The following DUSP22 variants were observed in gnomAD, a reference collection of about 807,000 sequenced individuals.
DUSP22 encodes dual specificity phosphatase 22, also known as dual specificity protein phosphatase 22.
A neutral mutation model predicts 24.5 loss-of-function variants in DUSP22; 24 were observed. The ratio of observed to expected loss-of-function variants is 0.98; its 90% CI spans 0.71 to 1.38. DUSP22 has a LOEUF of 1.38. DUSP22 is among the 40% of genes most tolerant of loss of function. DUSP22 has a pLI of 0.00. For synonymous variants in DUSP22, 160 were observed against 106.4 expected (o/e 1.50, Z -3.10); for missense variants, 330 against 269.2 (o/e 1.23, Z -1.58).
chr6:344,790 T>C (rs1759776764), intron 4 of DUSP22, among the ~76,000 whole-genome samples: 1 of 152,308 alleles, frequency 6.6e-6, no homozygotes, highest in African/African-American at 2.4e-5. Context: ...ACTGCCAAAG[T>C]CCCGGGAGAC....
Position 311,931 on chromosome 6 carries a change from C to G in DUSP22, c.107C>G (p.Ser36Cys), listed in dbSNP as rs1266399615. ...LSKNKVTHILSVHDSARPMLE... is the reference protein window; with the variant it reads ...LSKNKVTHILCVHDSARPMLE... The stretch of plus-strand genomic sequence containing the variant: ...AAGAACAAGGTGACACATATTCTGT[C>G]TGTCCACGATAGTGCCAGGCCTATG... The change falls in exon 3 of 7, where the codon TCT (serine) becomes TGT (cysteine). Residue 36 changes from serine (S) to cysteine (C), a missense_variant. Coordinates refer to ENST00000419235, the MANE Select transcript of DUSP22 (RefSeq NM_001286555.3). 6.2e-7 allele frequency: 1 copy of G among 1,612,728 alleles called. No homozygotes were observed. Among genetic ancestry groups the G allele is most frequent in the African/African-American group, 1.3e-5 (1 of 74,890 alleles).
chr6:334,847 T>C (rs1561673474), intron 3 of DUSP22, among the ~76,000 whole-genome samples: 2 of 152,306 alleles, frequency 1.3e-5, no homozygotes, highest in Non-Finnish European at 1.5e-5. Context: ...TACTCAACTA[T>C]TTCACTTTTT....
chr6:347,896 G>A (rs1018848951), intron 5 of DUSP22, among the ~76,000 whole-genome samples: 1 of 152,300 alleles, frequency 6.6e-6, no homozygotes, highest in Non-Finnish European at 1.5e-5. Flanking sequence ...GCAGAAGAAA[G>A]CATGCGATTC....
At chr6:312,820 T>C (rs1758170145) in intron 3 of DUSP22, among the ~76,000 whole-genome samples, 1 of 152,298 alleles carries the variant, frequency 6.6e-6, no homozygotes, top group Non-Finnish European at 1.5e-5. Flanking sequence ...TTAGTTAGTA[T>C]AAAGTAAGCT....
At chr6:311,800 T>C in intron 2 of DUSP22, 80 bp from the exon 3 acceptor site, 1 of 1,436,190 alleles carries the variant, frequency 7.0e-7, no homozygotes, top group Non-Finnish European at 9.4e-7. Flanking sequence ...TTTGTGGGTT[T>C]TTTTTTTTTT....
At chr6:322,239 T>C (rs2127404554) in intron 3 of DUSP22, among the ~76,000 whole-genome samples, 1 of 152,300 alleles carries the variant, frequency 6.6e-6, no homozygotes, top group Non-Finnish European at 1.5e-5. Context: ...TAGGGAATGA[T>C]GGTGGGGCCA....
At chr6:348,533 A>G (rs1283606486) in intron 6 of DUSP22, 2 of 850,022 alleles carry the variant, frequency 2.4e-6, no homozygotes, top group Non-Finnish European at 3.6e-6. Flanking sequence ...CCTTTGGGTG[A>G]CGTACCATTT....
Position 350,888 on chromosome 6 carries a change from A to C in DUSP22, c.*1937A>C. 1 of 1,614,172 alleles carries C rather than the reference A, an allele frequency of 6.2e-7. No homozygotes were observed. The highest frequency in any genetic ancestry group is 8.5e-7 in the Non-Finnish European group (1 of 1,179,956). Reference sequence around the variant, plus strand: ...CTGTAATGTACCTGAAGTTTCTGAAATATTGCAAACCCACAGAGTTTAGGC... The same window carrying C: ...CTGTAATGTACCTGAAGTTTCTGAACTATTGCAAACCCACAGAGTTTAGGC... On this transcript the variant is annotated 3_prime_UTR_variant, in exon 7 of 7. Transcript: ENST00000419235.
chr6:336,114 C>T (rs1372450740), intron 4 of DUSP22, among the ~76,000 whole-genome samples: 2 of 152,294 alleles, frequency 1.3e-5, no homozygotes, highest in African/African-American at 4.8e-5. Context: ...GAGTAGATTA[C>T]AGTTTTCCTG....
intron 3 of DUSP22, among the ~76,000 whole-genome samples, chr6:320,907 C>T (rs1402985508): frequency 6.6e-6 from 1 of 152,302 alleles, no homozygotes; most frequent in African/African-American, 2.4e-5. Context: ...TGAGCACCTA[C>T]CTTGCAGCAG....
At chr6:292,875 C>G (rs372063134) in intron 1 of DUSP22, among the ~76,000 whole-genome samples, 2 of 152,294 alleles carry the variant, frequency 1.3e-5, no homozygotes. Context: ...AGCTGAGCTC[C>G]GAATGGATGT....
At chr6:323,240 ATG>A (rs5873739) in intron 3 of DUSP22, among the ~76,000 whole-genome samples, 393 of 151,654 alleles carry the variant, frequency 2.6e-3, no homozygotes, top group African/African-American at 8.2e-3. Flanking sequence ...GCGTGTGTGC[ATG>A]TGTGTGTGTG....
chr6:314,838 A>G (rs1277820087), intron 3 of DUSP22, among the ~76,000 whole-genome samples: 2 of 152,272 alleles, frequency 1.3e-5, no homozygotes, highest in African/African-American at 2.4e-5. Context: ...GAACTAAGGA[A>G]CTTGTGACTT....
At chr6:347,449 G>A (rs550202111) in intron 5 of DUSP22, among the ~76,000 whole-genome samples, 5 of 152,414 alleles carry the variant, frequency 3.3e-5, no homozygotes, top group Non-Finnish European at 2.9e-5. Flanking sequence ...TTCTGTGACC[G>A]CCTTCATTTG....
intron 6 of DUSP22, chr6:348,554 G>A (rs1415741436): frequency 4.4e-6 from 4 of 909,530 alleles, no homozygotes; most frequent in Non-Finnish European, 4.9e-6. Context: ...CCTTGGTCTG[G>A]CCTATTTTCA....
intron 1 of DUSP22, among the ~76,000 whole-genome samples, chr6:300,754 T>G (rs1757543902): frequency 6.6e-6 from 1 of 152,288 alleles, no homozygotes; most frequent in Admixed American, 6.5e-5. Flanking sequence ...CTCTTCTGCA[T>G]TTATGCATTT....
chr6:331,448 A>C (rs1759135387), intron 3 of DUSP22, among the ~76,000 whole-genome samples: 1 of 152,292 alleles, frequency 6.6e-6, no homozygotes, highest in African/African-American at 2.4e-5. Context: ...TTAACCTCCA[A>C]GTTTGTTATA....
Position 350,868 on chromosome 6 carries a change from A to G in DUSP22, c.*1917A>G. ...TCTGGGCCTTTCTCAGAAGACTGTAATGTACCTGAAGTTTCTGAAATATTG... is the reference window on the plus strand; with the variant it reads ...TCTGGGCCTTTCTCAGAAGACTGTAGTGTACCTGAAGTTTCTGAAATATTG... On this transcript the variant is annotated 3_prime_UTR_variant, in exon 7 of 7. Transcript: ENST00000419235. 6.2e-7 allele frequency: 1 copy of G among 1,614,262 alleles called. No individual in the cohort carries two copies. The highest frequency in any genetic ancestry group is 1.3e-5 in the African/African-American group (1 of 75,088).
intron 3 of DUSP22, among the ~76,000 whole-genome samples, chr6:334,238 T>C (rs919944558): frequency 6.6e-6 from 1 of 152,300 alleles, no homozygotes; most frequent in Non-Finnish European, 1.5e-5. Context: ...CAAGATTCTG[T>C]GAGATTAGGC....
Sources: gnomAD v4.1 joint callset for allele counts (sites outside exome capture counted in the v4.1 genomes callset) on GRCh38, gnomAD v4.1.1 for gene constraint, MANE v1.5 for transcripts, NCBI Gene and HGNC (gene_info 2026-07-23, HGNC 2026-07-21) for gene names.